Variants in SESN1 observed in about 807,000 individuals in gnomAD.
The protein encoded by SESN1 is sestrin 1.
In SESN1, 30 loss-of-function variants were observed where a neutral mutation model predicts 59.3. The observed-to-expected ratio is 0.51, with a 90% CI of 0.38 to 0.69. The LOEUF (loss-of-function observed/expected upper bound fraction) is 0.69. SESN1 is among the 30% of genes least tolerant of loss of function. The probability of loss-of-function intolerance (pLI) is 0.00; values close to 1 mark genes in which losing one functional copy is unlikely to be tolerated. For synonymous variants in SESN1, 197 were observed against 219.9 expected (o/e 0.90, Z 0.92); for missense variants, 566 against 673.0 (o/e 0.84, Z 1.76).
intron 1 of SESN1, among the ~76,000 whole-genome samples, chr6:109,021,592 C>T (rs1459754588): frequency 6.6e-6 from 1 of 152,080 alleles, no homozygotes; most frequent in African/African-American, 2.4e-5. Context: ...TGCCTGCCAC[C>T]AAGCCTGGCT....
rs1042089010 is a variant in SESN1, at chr6:109,000,446, A to C, written c.729+45T>G. 4 of 1,381,130 alleles carry C rather than the reference A, an allele frequency of 2.9e-6. No homozygotes were observed. In the African/African-American group the frequency reaches 5.9e-5, roughly 20 times the overall value. The allele number at this position is 1,381,130 out of a possible 1,614,324, so 85.6% of individuals were successfully genotyped here. ...TTTCTGTAATCCTAAAACTGCTCTA[A>C]AAAAGTCTGAAATGACTCCCAAGAT... On this transcript the variant is annotated intron_variant, in intron 4 of 9. Transcript: ENST00000436639.
chr6:108,995,213 G>A (rs1057275621), intron 5 of SESN1, among the ~76,000 whole-genome samples: 10 of 152,092 alleles, frequency 6.6e-5, no homozygotes, highest in African/African-American at 2.4e-4. Flanking sequence ...TAAACTACTT[G>A]TCAATTTAAA....
chr6:109,065,749 A>G (rs1254757375), intron 1 of SESN1, among the ~76,000 whole-genome samples: 4 of 152,060 alleles, frequency 2.6e-5, no homozygotes, highest in Non-Finnish European at 4.4e-5. Flanking sequence ...GTCTTAAAAT[A>G]CTGACCCCTT....
rs1220556809 is a variant in SESN1 at position 109,001,628 on chromosome 6, C to G, written c.346-140G>C. 5.6e-6 allele frequency: 4 copies of G among 713,332 alleles called. No individual in the cohort carries two copies. In the African/African-American group the frequency reaches 7.2e-5, roughly 13 times the overall value. 44.2% of individuals were successfully genotyped at this position (713,332 alleles called of 1,614,324 possible). On this transcript the variant is annotated intron_variant, in intron 2 of 9. Transcript: ENST00000436639. ...GAAAGAGGGGTTACAAATTTAAACT[C>G]AACTGGTTGAAAGATACAGAAGAAT...
In SESN1 at chr6:108,987,439, T is replaced by C. The variant is rs756727958; in HGVS notation, c.*105A>G. On this transcript the variant is annotated 3_prime_UTR_variant, in exon 10 of 10. Coordinates refer to ENST00000436639, the MANE Select transcript of SESN1 (RefSeq NM_014454.3). The stretch of plus-strand genomic sequence containing the variant: ...ACTAAAGGAATCATGGCACAATGGA[T>C]TTCTGAATTATTTTGTCTACCATTG... 3.4e-6 allele frequency: 2 copies of C among 583,398 alleles called. No homozygotes were observed. The highest frequency in any genetic ancestry group is 2.9e-5 in the East Asian group (1 of 34,800). The allele number at this position is 583,398 out of a possible 1,614,324, so 36.1% of individuals were successfully genotyped here. A position where few individuals can be genotyped will look rare whatever the true frequency, so the allele number is the denominator to read the frequency against.
chr6:109,057,015 T>C (rs1366224880), intron 1 of SESN1, among the ~76,000 whole-genome samples: 1 of 152,210 alleles, frequency 6.6e-6, no homozygotes, highest in African/African-American at 2.4e-5. Flanking sequence ...CTGCCATGCC[T>C]TGAACCCTGT....
chr6:109,089,871 T>C (rs889512475), intron 1 of SESN1, among the ~76,000 whole-genome samples: 1 of 152,204 alleles, frequency 6.6e-6, no homozygotes, highest in Non-Finnish European at 1.5e-5. Context: ...CATAGGCTAG[T>C]AGGACAACCT....
At chr6:109,007,565 GAT>G (rs1779758733) in intron 1 of SESN1, among the ~76,000 whole-genome samples, 1 of 152,136 alleles carries the variant, frequency 6.6e-6, no homozygotes, top group Admixed American at 6.5e-5. Context: ...ACAAGGTAAA[GAT>G]ATGTTATATA....
chr6:109,042,353 A>G (rs967426875), intron 1 of SESN1, among the ~76,000 whole-genome samples: 1 of 151,994 alleles, frequency 6.6e-6, no homozygotes, highest in Admixed American at 6.5e-5. Context: ...ATAATAAAGA[A>G]CAAACATCAA....
At chr6:109,019,104 T>C (rs1185759924) in intron 1 of SESN1, among the ~76,000 whole-genome samples, 1 of 152,216 alleles carries the variant, frequency 6.6e-6, no homozygotes, top group Non-Finnish European at 1.5e-5. Flanking sequence ...TAAAACACTT[T>C]TACAGTTTTA....
chr6:109,058,718 A>G (rs1780678983), intron 1 of SESN1, among the ~76,000 whole-genome samples: 1 of 152,162 alleles, frequency 6.6e-6, no homozygotes, highest in Non-Finnish European at 1.5e-5. Context: ...AGATAGAAGC[A>G]ATGCAGCCCC....
chr6:109,049,259 T>C (rs930425228), intron 1 of SESN1, among the ~76,000 whole-genome samples: 3 of 151,360 alleles, frequency 2.0e-5, no homozygotes, highest in African/African-American at 4.9e-5. Context: ...TTATGATAAG[T>C]AAAATAAGCC....
chr6:108,998,444 C>G, intron 5 of SESN1, 69 bp downstream of exon 5: 1 of 1,576,648 alleles, frequency 6.3e-7, no homozygotes. Flanking sequence ...AAGAAGCCAA[C>G]TGAAGAAATA....
At chr6:109,007,469 C>T (rs1451758413) in intron 1 of SESN1, among the ~76,000 whole-genome samples, 1 of 152,126 alleles carries the variant, frequency 6.6e-6, no homozygotes, top group African/African-American at 2.4e-5. Context: ...CCTCGCTACA[C>T]TATTACTGTT....
At chr6:109,064,571 GGGAGAGGAGA>G (rs1562472167) in intron 1 of SESN1, among the ~76,000 whole-genome samples, 1 of 88,226 alleles carries the variant, frequency 1.1e-5, no homozygotes, top group African/African-American at 4.6e-5. Context: ...AAGAGAGGAG[GGGAGAGGAGA>G]GGAGAGGAGA....
chr6:109,056,087 A>G (rs552260617), intron 1 of SESN1, among the ~76,000 whole-genome samples: 1 of 152,304 alleles, frequency 6.6e-6, no homozygotes, highest in East Asian at 1.9e-4. Flanking sequence ...TTTCTAAAAC[A>G]ACTAGAGAAA....
chr6:109,041,619 C>A (rs1164833765), intron 1 of SESN1, among the ~76,000 whole-genome samples: 1 of 151,984 alleles, frequency 6.6e-6, no homozygotes, highest in Non-Finnish European at 1.5e-5. Context: ...CATTATATAT[C>A]ATGATAAAAA....
intron 4 of SESN1, 133 bp downstream of exon 4, chr6:109,000,358 T>G: frequency 1.8e-6 from 1 of 563,966 alleles, no homozygotes; most frequent in Non-Finnish European, 2.9e-6. Context: ...GAAGAAAATG[T>G]GCATCTGTGG....
chr6:109,009,106 T>A, intron 1 of SESN1: 1 of 736,812 alleles, frequency 1.4e-6, no homozygotes, highest in Non-Finnish European at 1.9e-6. Flanking sequence ...TCTCCCAGCT[T>A]AGCATTTTCT....
Sources: allele counts gnomAD v4.1 joint callset (sites outside exome capture counted in the v4.1 genomes callset), GRCh38; gene constraint gnomAD v4.1.1; transcripts MANE v1.5; gene names NCBI Gene and HGNC (gene_info 2026-07-23, HGNC 2026-07-21).